Variants in NUP214 observed in about 807,000 individuals in gnomAD.
NUP214 encodes nuclear pore complex protein Nup214.
A neutral mutation model predicts 196.2 loss-of-function variants in NUP214; 79 were observed. That is an observed-to-expected ratio of 0.40 (90% CI 0.34 to 0.49). The LOEUF (loss-of-function observed/expected upper bound fraction) is 0.49, where lower values mean the gene tolerates loss of function less well. Ranked by LOEUF, NUP214 falls within the 20% of genes least tolerant of loss-of-function variation. The pLI, the probability that NUP214 is intolerant of heterozygous loss-of-function variation, is 0.58. For missense variants in NUP214, 2,468 were observed against 2,539.0 expected (o/e 0.97, Z 0.60); for synonymous variants, 1,020 against 990.5 (o/e 1.03, Z -0.56).
intron 8 of NUP214, 84 bp downstream of exon 8, chr9:131,135,088 C>CTGAT (rs758851150): frequency 3.2e-5 from 31 of 958,334 alleles, no homozygotes; most frequent in Non-Finnish European, 4.8e-5. Flanking sequence ...GAAATCTTTT[C>CTGAT]TGATTGATTG....
At chr9:131,215,572 A>T (rs1398326762) in intron 31 of NUP214, among the ~76,000 whole-genome samples, 1 of 102,098 alleles carries the variant, frequency 9.8e-6, no homozygotes, top group East Asian at 2.8e-4. Context: ...TCATGAAAAG[A>T]TATCAGAGCT....
intron 31 of NUP214, among the ~76,000 whole-genome samples, chr9:131,222,201 A>G (rs754484765): frequency 5.3e-4 from 81 of 152,230 alleles, no homozygotes; most frequent in Non-Finnish European, 4.6e-4. Flanking sequence ...AGACAGGAGC[A>G]CCATGATTTT....
At position 131,150,599 on chromosome 9, in the gene NUP214, A is replaced by G; in HGVS notation, c.2128-17A>G. On this transcript the variant is annotated splice_polypyrimidine_tract_variant and intron_variant, in intron 15 of 35. Transcript: ENST00000359428. The stretch of plus-strand genomic sequence containing the variant: ...TGTCCTTCAGACTGAGTAGTTCCTC[A>G]CTTGTGGCTTCTACAGATTGCACAC... 6.2e-7 allele frequency: 1 copy of G among 1,608,836 alleles called. No homozygotes were observed. The highest frequency in any genetic ancestry group is 1.1e-5 in the South Asian group (1 of 90,290).
rs1832024690 is a variant in NUP214 at position 131,144,551 on chromosome 9, T to G, written c.1566T>G (p.Phe522Leu). 2 of 1,614,134 alleles carry G rather than the reference T, an allele frequency of 1.2e-6. No homozygotes were observed. Among genetic ancestry groups the G allele is most frequent in the Non-Finnish European group, 8.5e-7 (1 of 1,180,002 alleles). ...APGPGPSTFS[F>L]VPPSKASLAP... ...GCCCTGGCCCATCAACCTTCTCTTT[T>G]GTTCCCCCTTCTAAAGCCTCCCTAG... The change falls in exon 12 of 36, where the codon TTT (phenylalanine) becomes TTG (leucine). Residue 522 changes from phenylalanine to leucine, a missense_variant. By Grantham distance (22) the Phe-to-Leu change is conservative. Transcript: ENST00000359428.
intron 33 of NUP214, 88 bp from the exon 34 acceptor site, chr9:131,230,542 T>A: frequency 1.3e-6 from 2 of 1,505,852 alleles, no homozygotes; most frequent in Non-Finnish European, 1.8e-6. Flanking sequence ...TCGTGTGTAT[T>A]GGGACTTACA....
chr9:131,139,255 C>CTTTTTTTTTTTTTTTTTTT (rs200377608), intron 9 of NUP214, 26 bp from the exon 10 acceptor site: 50 of 1,093,058 alleles, frequency 4.6e-5, no homozygotes, highest in South Asian at 3.1e-4. Flanking sequence ...TCTTCTTCTT[C>CTTTTTTTTTTTTTTTTTTT]TTTTTTTTTT....
chr9:131,174,390 G>T, intron 22 of NUP214, 72 bp downstream of exon 22: 2 of 1,434,070 alleles, frequency 1.4e-6, no homozygotes, highest in Admixed American at 2.3e-5. Context: ...TTGTAACTGG[G>T]TCTTATACTG....
intron 17 of NUP214, among the ~76,000 whole-genome samples, chr9:131,154,832 T>C (rs1035946027): frequency 6.6e-6 from 1 of 152,304 alleles, no homozygotes; most frequent in Admixed American, 6.5e-5. Context: ...TAGTTGTGTG[T>C]GTGTGTGTGT....
At chr9:131,218,731 A>C (rs1309574357) in intron 31 of NUP214, among the ~76,000 whole-genome samples, 1 of 151,794 alleles carries the variant, frequency 6.6e-6, no homozygotes, top group East Asian at 1.9e-4. Context: ...CCCTTTTCCT[A>C]CTCAAACCCT....
chr9:131,146,136 G>A lies in NUP214; in HGVS notation c.1777G>A (p.Ala593Thr). ...VKVNLSEKFTAAATSTPVSSS... is the reference protein window; with the variant it reads ...VKVNLSEKFTTAATSTPVSSS... The stretch of plus-strand genomic sequence containing the variant: ...CAGGCTGCCATTTTTCAGGTTTACT[G>A]CTGCAGCTACCTCTACTCCTGTTAG... The change falls in exon 13 of 36, where the codon GCT becomes ACT. Residue 593 changes from alanine to threonine, a missense_variant. Ala to Thr is a moderately conservative substitution (Grantham distance 58, BLOSUM62 0). This residue lies in a region of NUP214 where 1,801 missense variants were observed against 1,779.4 expected (regional missense o/e 1.01). Coordinates refer to ENST00000359428, the MANE Select transcript of NUP214 (RefSeq NM_005085.4). This position sits in a 1 kb window ranked among gnomAD's most constrained non-coding sequence, Gnocchi z 4.6. 6.2e-7 allele frequency: 1 copy of A among 1,614,026 alleles called. No homozygotes were observed. The highest frequency in any genetic ancestry group is 1.1e-5 in the South Asian group (1 of 91,066).
intron 30 of NUP214, among the ~76,000 whole-genome samples, chr9:131,211,485 C>G (rs1834239362): frequency 6.6e-6 from 1 of 152,144 alleles, no homozygotes; most frequent in South Asian, 2.1e-4. Flanking sequence ...TGTGGCGTTT[C>G]CCATGATCTG....
At chr9:131,182,128 T>C (rs1833296375) in intron 24 of NUP214, among the ~76,000 whole-genome samples, 2 of 152,246 alleles carry the variant, frequency 1.3e-5, no homozygotes, top group South Asian at 4.1e-4. Context: ...AGCACAGCAA[T>C]GTGAATGTAC....
chr9:131,198,287 C>A lies in NUP214; in HGVS notation c.4793C>A (p.Ala1598Glu). ...GTGCCTGGGCAGACTGCTGTCACAG[C>A]AGCTGCTATCTCAAGTGCAGGCCCT... is the stretch of plus-strand genomic sequence containing the variant. ...FSVPGQTAVT[A>E]AAISSAGPVA... The change falls in exon 29 of 36, where the codon GCA (alanine) becomes GAA (glutamate). Residue 1598 changes from alanine (A) to glutamate (E), a missense_variant. Physicochemically the swap from Ala to Glu is moderately radical, Grantham distance 107. This residue lies in a region of NUP214 where 1,801 missense variants were observed against 1,779.4 expected (regional missense o/e 1.01). Coordinates refer to ENST00000359428, the MANE Select transcript of NUP214 (RefSeq NM_005085.4). The A allele has an allele frequency of 6.2e-7, 1 of 1,614,234 alleles. No individual in the cohort carries two copies. Among genetic ancestry groups the A allele is most frequent in the Non-Finnish European group, 8.5e-7 (1 of 1,180,044 alleles).
chr9:131,164,959 C>T (rs537760533), intron 21 of NUP214, among the ~76,000 whole-genome samples: 1 of 152,214 alleles, frequency 6.6e-6, no homozygotes, highest in African/African-American at 2.4e-5. Flanking sequence ...TTTTGGTAAT[C>T]AGAATAACTG....
intron 8 of NUP214, 59 bp downstream of exon 8, chr9:131,135,063 A>C: frequency 1.8e-6 from 2 of 1,138,750 alleles, no homozygotes; most frequent in Non-Finnish European, 2.6e-6. Flanking sequence ...CACCTGAGTC[A>C]CCTTGTCCCA....
Position 131,197,383 on chromosome 9 carries a change from G to A in NUP214, c.3889G>A (p.Ala1297Thr), listed in dbSNP as rs368674226. The A allele has an allele frequency of 3.7e-6, 6 of 1,614,050 alleles. No individual in the cohort carries two copies. The highest frequency in any genetic ancestry group is 5.1e-6 in the Non-Finnish European group (6 of 1,180,042). Residue 1297 changes from alanine (A) to threonine (T), a missense_variant, in exon 29 of 36, where the codon GCA becomes ACA. Ala to Thr is a moderately conservative substitution (Grantham distance 58). This residue lies in a region of NUP214 where 1,801 missense variants were observed against 1,779.4 expected (regional missense o/e 1.01). Coordinates refer to ENST00000359428, the MANE Select transcript of NUP214 (RefSeq NM_005085.4). The part of the protein sequence containing the change: ...EPAASSSRPV[A>T]PSGTALSTTS... ...TGCCGCATCTAGCAGCAGACCTGTG[G>A]CACCTTCTGGAACTGCTCTTTCCAC...
At chr9:131,144,145 T>C (rs1832011501) in intron 11 of NUP214, 135 bp from the exon 12 acceptor site, 2 of 701,986 alleles carry the variant, frequency 2.8e-6, no homozygotes, top group South Asian at 3.6e-5. Context: ...TGTGTACCCA[T>C]GTGTTCTTTT....
chr9:131,216,055 A>G (rs1320395168), intron 31 of NUP214, among the ~76,000 whole-genome samples: 1 of 151,696 alleles, frequency 6.6e-6, no homozygotes, highest in Non-Finnish European at 1.5e-5. Context: ...GGCACGTGCT[A>G]TCACGCCTGG....
chr9:131,174,429 C>T lies in NUP214; in HGVS notation c.3157+111C>T, dbSNP rs1284925892. ...CACCAATATGGTGGTTGGCTCCAGC[C>T]CACTTTTTTTTTTTTTTCTTTTTTT... is the stretch of plus-strand genomic sequence containing the variant. On this transcript the variant is annotated intron_variant, in intron 22 of 35. Transcript: ENST00000359428. The T allele has an allele frequency of 1.9e-5, 17 of 913,910 alleles. No individual in the cohort carries two copies. In the East Asian group the frequency reaches 4.8e-4, roughly 26 times the overall value. 56.6% of individuals were successfully genotyped at this position (913,910 alleles called of 1,614,324 possible). A position where few individuals can be genotyped will look rare whatever the true frequency, so the allele number is the denominator to read the frequency against.
Sources: allele counts gnomAD v4.1 joint callset (sites outside exome capture counted in the v4.1 genomes callset), GRCh38; gene constraint gnomAD v4.1.1; regional missense constraint gnomAD v4.1.1; non-coding constraint Gnocchi (gnomAD v3.1); transcripts MANE v1.5; gene names NCBI Gene and HGNC (gene_info 2026-07-23, HGNC 2026-07-21).